The following CCDC178 variants were observed in gnomAD, a reference collection of about 807,000 sequenced individuals.
CCDC178 encodes the protein coiled-coil domain-containing protein 178.
CCDC178 carries 126 observed loss-of-function variants against 117.4 expected under a neutral mutation model. That is an observed-to-expected ratio of 1.07 (90% CI 0.93 to 1.24). CCDC178 has a LOEUF of 1.24. CCDC178 is among the 50% of genes most tolerant of loss of function. CCDC178 has a pLI of 0.00. For synonymous variants in CCDC178, 283 were observed against 313.4 expected, an observed-to-expected ratio of 0.90 and a Z score of 1.02; for missense variants, 1,030 against 986.9, an observed-to-expected ratio of 1.04 and a Z score of -0.59.
intron 12 of CCDC178, among the ~76,000 whole-genome samples, chr18:33,277,722 C>T (rs189075811): frequency 6.6e-6 from 1 of 152,142 alleles, no homozygotes; most frequent in Non-Finnish European, 1.5e-5. Context: ...TGGCTGAGCA[C>T]TTCTCATGCT....
chr18:33,306,909 C>T (rs1017118769), intron 11 of CCDC178, among the ~76,000 whole-genome samples: 14 of 152,246 alleles, frequency 9.2e-5, no homozygotes, highest in African/African-American at 3.4e-4. Context: ...TCCTCCTTCA[C>T]TCAGCTCTTA....
At chr18:33,062,361 T>C (rs2056937578) in intron 21 of CCDC178, among the ~76,000 whole-genome samples, 1 of 152,162 alleles carries the variant, frequency 6.6e-6, no homozygotes, top group Admixed American at 6.5e-5. Context: ...GAATAGAGGC[T>C]CACCACACTC....
chr18:33,164,487 A>T (rs79423753), intron 20 of CCDC178, among the ~76,000 whole-genome samples: 2,050 of 152,200 alleles, frequency 0.013, 51 homozygotes, highest in African/African-American at 0.047. Context: ...GTATCTACTG[A>T]TAATTACCAT....
At chr18:32,941,132 G>C (rs2144586752) in intron 22 of CCDC178, among the ~76,000 whole-genome samples, 1 of 151,526 alleles carries the variant, frequency 6.6e-6, no homozygotes, top group Admixed American at 6.6e-5. Flanking sequence ...AGACCTCACA[G>C]TACCAAGGGC....
Position 32,991,917 on chromosome 18 carries a change from T to C in CCDC178, c.2389-17236A>G, listed in dbSNP as rs562471895. On this transcript the variant is annotated intron_variant, in intron 21 of 22. Coordinates refer to ENST00000383096, the MANE Select transcript of CCDC178 (RefSeq NM_001105528.4). The stretch of plus-strand genomic sequence containing the variant: ...GCCCATTGCTTTACCTAAGGGATTA[T>C]ATCTAATGATAGAAATTTTAGATAG... Among the ~76,000 whole-genome samples, 12 of 152,362 alleles carry C rather than the reference T, an allele frequency of 7.9e-5. No homozygotes were observed. In the East Asian group the frequency reaches 1.5e-3, roughly 20 times the overall value.
intron 21 of CCDC178, among the ~76,000 whole-genome samples, chr18:33,034,653 T>C (rs2056408336): frequency 6.6e-6 from 1 of 152,112 alleles, no homozygotes; most frequent in South Asian, 2.1e-4. Context: ...CATGCCCCTC[T>C]GCTCTCATAG....
intron 17 of CCDC178, among the ~76,000 whole-genome samples, chr18:33,223,489 TA>T (rs1309432125): frequency 2.6e-5 from 4 of 152,164 alleles, no homozygotes; most frequent in Non-Finnish European, 5.9e-5. Flanking sequence ...GAATATTTGT[TA>T]TAATATTTGT....
chr18:33,316,479 C>G (rs890743297), intron 11 of CCDC178, among the ~76,000 whole-genome samples: 1 of 152,066 alleles, frequency 6.6e-6, no homozygotes, highest in Non-Finnish European at 1.5e-5. Context: ...CCCCACACGC[C>G]GTGGGCTCCT....
chr18:33,004,519 A>G (rs1405379763), intron 21 of CCDC178, among the ~76,000 whole-genome samples: 3 of 152,032 alleles, frequency 2.0e-5, no homozygotes, highest in African/African-American at 4.8e-5. Flanking sequence ...CATGACCTCA[A>G]ACTATGAAAC....
intron 16 of CCDC178, among the ~76,000 whole-genome samples, chr18:33,226,318 G>T (rs1373574730): frequency 6.6e-6 from 1 of 152,134 alleles, no homozygotes; most frequent in Non-Finnish European, 1.5e-5. Context: ...ACCCAATCTG[G>T]ATTCCAAAGG....
rs773314466 is a variant in CCDC178, at chr18:33,344,846, CACACACACAT to C, written c.658+1355_658+1364del. ...ACACACACACACACACACACACACACACACACACATATATTTATAAATTATATAAATCTAC... is the reference window on the plus strand; with the variant it reads ...ACACACACACACACACACACACACACATATTTATAAATTATATAAATCTAC... On this transcript the variant is annotated intron_variant, in intron 9 of 22. Transcript: ENST00000383096. Among the ~76,000 whole-genome samples the C allele has an allele frequency of 9.1e-3, 1,317 of 144,992 alleles. 15 individuals are homozygous for C. The highest frequency in any genetic ancestry group is 0.016 in the African/African-American group (627 of 38,378).
intron 20 of CCDC178, among the ~76,000 whole-genome samples, chr18:33,097,388 T>C (rs548963436): frequency 1.3e-5 from 2 of 152,264 alleles, no homozygotes; most frequent in East Asian, 1.9e-4. Flanking sequence ...ATCCAACTGA[T>C]GTCCAGAAAG....
At chr18:33,289,160 A>G (rs2060136907) in intron 12 of CCDC178, among the ~76,000 whole-genome samples, 1 of 152,102 alleles carries the variant, frequency 6.6e-6, no homozygotes, top group African/African-American at 2.4e-5. Context: ...TCTCTTGCCT[A>G]TGTAGCAGTG....
chr18:33,389,786 T>C (rs1245666876), intron 4 of CCDC178, among the ~76,000 whole-genome samples, 157 bp from the exon 5 acceptor site: 1 of 151,816 alleles, frequency 6.6e-6, no homozygotes, highest in Non-Finnish European at 1.5e-5. Context: ...CAGTAGAGTA[T>C]CTTCAGATAT....
intron 14 of CCDC178, among the ~76,000 whole-genome samples, chr18:33,262,296 A>C (rs887845492): frequency 6.6e-6 from 1 of 152,194 alleles, no homozygotes; most frequent in South Asian, 2.1e-4. Flanking sequence ...AGACTCACAA[A>C]TCAAAATGAT....
chr18:33,109,971 T>C (rs920487993), intron 20 of CCDC178, among the ~76,000 whole-genome samples: 2 of 151,490 alleles, frequency 1.3e-5, no homozygotes, highest in Non-Finnish European at 3.0e-5. Context: ...TCCTGACATA[T>C]GCATATGTTC....
chr18:33,319,117 G>A (rs1370517517), intron 11 of CCDC178, among the ~76,000 whole-genome samples: 1 of 151,982 alleles, frequency 6.6e-6, no homozygotes, highest in Non-Finnish European at 1.5e-5. Context: ...ATGTATACAT[G>A]TGCCATGTTG....
At chr18:33,052,784 G>A (rs2056767058) in intron 21 of CCDC178, among the ~76,000 whole-genome samples, 1 of 152,030 alleles carries the variant, frequency 6.6e-6, no homozygotes, top group African/African-American at 2.4e-5. Flanking sequence ...TTAGGAAGCA[G>A]GATTTAAAAA....
chr18:33,018,646 TC>T (rs1413473681), intron 21 of CCDC178, among the ~76,000 whole-genome samples: 1 of 152,104 alleles, frequency 6.6e-6, no homozygotes, highest in Admixed American at 6.6e-5. Flanking sequence ...AAAGGCTATA[TC>T]TACATACACT....
Sources: gnomAD v4.1 joint callset for allele counts (sites outside exome capture counted in the v4.1 genomes callset) on GRCh38, gnomAD v4.1.1 for gene constraint, MANE v1.5 for transcripts, NCBI Gene and HGNC (gene_info 2026-07-23, HGNC 2026-07-21) for gene names.